INTU: variants seen among roughly 807,000 people sequenced by gnomAD.
INTU encodes inturned planar cell polarity protein.
In INTU, 68 loss-of-function variants were observed where a neutral mutation model predicts 100.5. That is an observed-to-expected ratio of 0.68 (90% CI 0.56 to 0.83). The LOEUF is 0.83. INTU is among the 40% of genes least tolerant of loss of function. INTU has a pLI of 0.00. For missense variants in INTU, 1,071 were observed against 1,114.7 expected, an observed-to-expected ratio of 0.96 and a Z score of 0.56; for synonymous variants, 357 against 395.7, an observed-to-expected ratio of 0.90 and a Z score of 1.16.
chr4:127,678,709 C>T (rs1050535142), intron 6 of INTU, among the ~76,000 whole-genome samples: 2 of 152,078 alleles, frequency 1.3e-5, no homozygotes, highest in African/African-American at 4.8e-5. Flanking sequence ...AGCAAAATAA[C>T]CAGCTAACAT....
chr4:127,665,561 T>G (rs1728661277), intron 4 of INTU, among the ~76,000 whole-genome samples: 1 of 152,170 alleles, frequency 6.6e-6, no homozygotes, highest in Non-Finnish European at 1.5e-5. Context: ...GTAGGCTACT[T>G]GCTATAACAA....
intron 2 of INTU, among the ~76,000 whole-genome samples, chr4:127,645,587 T>C (rs1398113057): frequency 6.6e-6 from 1 of 151,836 alleles, no homozygotes; most frequent in Non-Finnish European, 1.5e-5. Context: ...TGAGATGGAG[T>C]TTTGCTGTTG....
At chr4:127,649,344 A>T (rs1164321598) in intron 2 of INTU, among the ~76,000 whole-genome samples, 1 of 152,164 alleles carries the variant, frequency 6.6e-6, no homozygotes, top group Non-Finnish European at 1.5e-5. Flanking sequence ...GCTGTTCATT[A>T]CACGAACGTC....
At chr4:127,685,615 T>C in intron 7 of INTU, 1 of 309,978 alleles carries the variant, frequency 3.2e-6, no homozygotes. Flanking sequence ...CTTTTACCTT[T>C]TACTAGTAAG....
chr4:127,673,253 C>G (rs1729014816), intron 5 of INTU, among the ~76,000 whole-genome samples: 1 of 151,990 alleles, frequency 6.6e-6, no homozygotes, highest in African/African-American at 2.4e-5. Flanking sequence ...CATGGCTAAC[C>G]GCAGCCTTGA....
chr4:127,687,518 A>G, intron 7 of INTU, 160 bp from the exon 8 acceptor site: 1 of 547,690 alleles, frequency 1.8e-6, no homozygotes, highest in Non-Finnish European at 3.2e-6. Context: ...ATTTCTTTAC[A>G]CAATCCGTCA....
intron 10 of INTU, 121 bp from the exon 11 acceptor site, chr4:127,705,470 C>A: frequency 2.7e-6 from 2 of 737,346 alleles, no homozygotes; most frequent in Non-Finnish European, 4.7e-6. Flanking sequence ...CTTCATTTAC[C>A]CCATTTGAAA....
At chr4:127,681,105 A>G (rs1470957081) in intron 6 of INTU, among the ~76,000 whole-genome samples, 1 of 152,150 alleles carries the variant, frequency 6.6e-6, no homozygotes, top group Admixed American at 6.5e-5. Context: ...ATAAAAGAGG[A>G]TACAAACAAA....
At chr4:127,656,243 C>T (rs1348711496) in intron 2 of INTU, among the ~76,000 whole-genome samples, 1 of 152,180 alleles carries the variant, frequency 6.6e-6, no homozygotes, top group Non-Finnish European at 1.5e-5. Flanking sequence ...ATCTTGGCTC[C>T]TCTGTTTTGT....
rs1730885828 is a variant in INTU at position 127,706,539 on chromosome 4, C to T, written c.1841C>T (p.Ala614Val). ...GAAGCTGGAGGTTGCGCATCCAAAG[C>T]TATTGGGAGTCCTGGACCAGACTGT... ...LLEAGGCASK[A>V]IGSPGPDCVY... Residue 614 changes from alanine (A) to valine (V), a missense_variant, in exon 12 of 16, where the codon GCT (alanine) becomes GTT (valine). Ala to Val is a moderately conservative substitution (Grantham distance 64). Coordinates refer to ENST00000335251, the MANE Select transcript of INTU (RefSeq NM_015693.4). 2 of 1,613,692 alleles carry T rather than the reference C, an allele frequency of 1.2e-6. No homozygotes were observed. The highest frequency in any genetic ancestry group is 3.3e-5 in the Admixed American group (2 of 59,960).
chr4:127,706,755 T>G lies in INTU; in HGVS notation c.2057T>G (p.Val686Gly). 6.2e-7 allele frequency: 1 copy of G among 1,614,102 alleles called. No homozygotes were observed. The change falls in exon 12 of 16, where the codon GTA becomes GGA. Residue 686 changes from valine (V) to glycine (G), a missense_variant. Physicochemically the swap from Val to Gly is moderately radical, Grantham distance 109. Coordinates refer to ENST00000335251, the MANE Select transcript of INTU (RefSeq NM_015693.4). ...AGTAGGCTACAAGGTACTTCCAAAG[T>G]AGCAACTTCTCCAACATGCAGAAGA... ...ILSRLQGTSK[V>G]ATSPTCRRTL...
At chr4:127,709,193 A>G (rs1731001610) in intron 13 of INTU, among the ~76,000 whole-genome samples, 1 of 152,216 alleles carries the variant, frequency 6.6e-6, no homozygotes, top group Admixed American at 6.5e-5. Context: ...GTGAGTACAA[A>G]GGCTTGGCCC....
At chr4:127,645,368 A>G (rs1383711597) in intron 2 of INTU, among the ~76,000 whole-genome samples, 1 of 152,048 alleles carries the variant, frequency 6.6e-6, no homozygotes, top group Non-Finnish European at 1.5e-5. Flanking sequence ...GATCCAGCTG[A>G]TAGCCCCAAC....
At chr4:127,675,964 A>G in intron 6 of INTU, 2 of 280,482 alleles carry the variant, frequency 7.1e-6, no homozygotes, top group South Asian at 3.1e-5. Context: ...TCACTTCTTG[A>G]GGGGAAGAGT....
Position 127,678,097 on chromosome 4 carries a change from T to C in INTU, c.1181+3884T>C, listed in dbSNP as rs567397023. On this transcript the variant is annotated intron_variant, in intron 6 of 15. Transcript: ENST00000335251. ...ACAAAGCCTCCAAGAAATATGGGAC[T>C]ATGTGGAAAGACCAAATCTACGTCT... 6.6e-5 allele frequency among the ~76,000 whole-genome samples: 10 copies of C among 152,318 alleles called. No homozygotes were observed. In the South Asian group the frequency reaches 1.7e-3, roughly 25 times the overall value.
chr4:127,700,535 G>A (rs1247852691), intron 9 of INTU, among the ~76,000 whole-genome samples: 2 of 152,100 alleles, frequency 1.3e-5, no homozygotes, highest in African/African-American at 2.4e-5. Context: ...AAAGGAACCA[G>A]GACTCCTCAA....
chr4:127,660,754 G>A (rs1184269016), intron 3 of INTU, among the ~76,000 whole-genome samples: 1 of 152,098 alleles, frequency 6.6e-6, no homozygotes, highest in Non-Finnish European at 1.5e-5. Flanking sequence ...GAGGGACATA[G>A]GACACGAAGG....
Position 127,687,723 on chromosome 4 carries a change from T to A in INTU, c.1305T>A (p.Phe435Leu). The change falls in exon 8 of 16, where the codon TTT becomes TTA. Residue 435 changes from phenylalanine to leucine, a missense_variant. Transcript: ENST00000335251. ...IENVPRLDHF[F>L]NLFFQRALQP... ...ATGTTCCTCGTTTGGATCATTTTTT[T>A]AACTTGTTCTTTCAAAGAGCACTTC... is the stretch of plus-strand genomic sequence containing the variant. 6.2e-7 allele frequency: 1 copy of A among 1,613,250 alleles called. No individual in the cohort carries two copies. Among genetic ancestry groups the A allele is most frequent in the Non-Finnish European group, 8.5e-7 (1 of 1,179,436 alleles).
chr4:127,684,067 T>G (rs1304641118), intron 6 of INTU, among the ~76,000 whole-genome samples: 1 of 152,160 alleles, frequency 6.6e-6, no homozygotes, highest in African/African-American at 2.4e-5. Context: ...TTGTAAAAAC[T>G]AGTTTATTTG....
Sources: gnomAD v4.1 joint callset for allele counts (sites outside exome capture counted in the v4.1 genomes callset) on GRCh38, gnomAD v4.1.1 for gene constraint, MANE v1.5 for transcripts, NCBI Gene and HGNC (gene_info 2026-07-23, HGNC 2026-07-21) for gene names.